RSPO1: variants seen among roughly 807,000 people sequenced by gnomAD.
RSPO1 encodes the protein R-spondin 1, also known as R-spondin-1.
RSPO1 carries 18 observed loss-of-function variants against 26.0 expected under a neutral mutation model. That is an observed-to-expected ratio of 0.69 (90% CI 0.48 to 1.03). RSPO1 has a LOEUF of 1.03. RSPO1 is among the 50% of genes least tolerant of loss of function. The pLI is 0.00. For missense variants in RSPO1, 309 were observed against 352.3 expected, an observed-to-expected ratio of 0.88 and a Z score of 0.98; for synonymous variants, 133 against 137.4, an observed-to-expected ratio of 0.97 and a Z score of 0.22.
intron 6 of RSPO1, 73 bp from the exon 7 acceptor site, chr1:37,612,994 A>G (rs1198994117): frequency 3.2e-6 from 5 of 1,544,530 alleles, no homozygotes; most frequent in Non-Finnish European, 3.6e-6. Flanking sequence ...CACAGGCCCT[A>G]GGAGGGGAGT....
intron 4 of RSPO1, among the ~76,000 whole-genome samples, chr1:37,614,782 TC>T (rs1279947046): frequency 6.6e-6 from 1 of 152,194 alleles, no homozygotes; most frequent in Non-Finnish European, 1.5e-5. Context: ...CTGCATGATC[TC>T]TTCTTCCCTC....
Position 37,629,697 on chromosome 1 carries a change from G to T in RSPO1, c.-36C>A. On this transcript the variant is annotated 5_prime_UTR_variant, in exon 3 of 7. Coordinates refer to ENST00000356545, the MANE Select transcript of RSPO1 (RefSeq NM_001242908.2). ...CAGCTCCAGGCCCCTGGTCGGAGGG[G>T]TGGTCTCGGGGAGGGTGGATAGCAC... The T allele has an allele frequency of 4.3e-6, 7 of 1,612,238 alleles. No individual in the cohort carries two copies. The highest frequency in any genetic ancestry group is 5.9e-6 in the Non-Finnish European group (7 of 1,179,256).
At chr1:37,614,419 TC>T (rs1390832450) in intron 4 of RSPO1, 86 bp from the exon 5 acceptor site, 1 of 1,480,082 alleles carries the variant, frequency 6.8e-7, no homozygotes, top group Non-Finnish European at 9.4e-7. Flanking sequence ...CTCCCTTCTG[TC>T]CACACCCACC....
intron 3 of RSPO1, among the ~76,000 whole-genome samples, chr1:37,628,435 C>G (rs76986721): frequency 0.057 from 8,606 of 152,294 alleles, 810 homozygotes; most frequent in African/African-American, 0.2. Flanking sequence ...GGAGCCCCAG[C>G]AAAACCCCAC....
At chr1:37,633,887 C>T (rs1396378956) in intron 1 of RSPO1, among the ~76,000 whole-genome samples, 1 of 152,220 alleles carries the variant, frequency 6.6e-6, no homozygotes, top group Non-Finnish European at 1.5e-5. Context: ...ACCTGAGGTT[C>T]CCCTGGCTGG....
At chr1:37,628,616 G>C (rs6656509) in intron 3 of RSPO1, among the ~76,000 whole-genome samples, 1 of 152,154 alleles carries the variant, frequency 6.6e-6, no homozygotes, top group South Asian at 2.1e-4. Context: ...CATCTCCCTC[G>C]TGTGGGCCCC....
chr1:37,612,886 C>T lies in RSPO1; in HGVS notation c.661G>A (p.Glu221Lys), dbSNP rs754617519. ...KRRKGGQGRR[E>K]NANRNLARKE... ...CTGGCCAGGTTCCTGTTGGCATTCT[C>T]CCGCCGGCCCTGGCCTCCCTTCCTC... Residue 221 changes from glutamate to lysine, a missense_variant, in exon 7 of 7, where the codon GAG (glutamate) becomes AAG (lysine). Coordinates refer to ENST00000356545, the MANE Select transcript of RSPO1 (RefSeq NM_001242908.2). The T allele has an allele frequency of 1.9e-6, 3 of 1,614,110 alleles. No homozygotes were observed. In the Admixed American group the frequency reaches 5.0e-5, roughly 27 times the overall value.
intron 3 of RSPO1, among the ~76,000 whole-genome samples, chr1:37,620,811 T>C (rs1644188997): frequency 6.6e-6 from 1 of 152,068 alleles, no homozygotes; most frequent in Admixed American, 6.6e-5. Context: ...AATTCACGAG[T>C]CATTATAGAT....
At chr1:37,618,006 A>G (rs1644143170) in intron 3 of RSPO1, among the ~76,000 whole-genome samples, 1 of 152,206 alleles carries the variant, frequency 6.6e-6, no homozygotes, top group South Asian at 2.1e-4. Flanking sequence ...GTCCTTTAGG[A>G]AGTAGAATTA....
chr1:37,621,629 G>T (rs1034621492), intron 3 of RSPO1, among the ~76,000 whole-genome samples: 4 of 152,076 alleles, frequency 2.6e-5, no homozygotes, highest in African/African-American at 9.7e-5. Flanking sequence ...GGAAAATGAC[G>T]AGTAGCTAAG....
At chr1:37,627,591 A>C (rs1342565589) in intron 3 of RSPO1, among the ~76,000 whole-genome samples, 1 of 152,160 alleles carries the variant, frequency 6.6e-6, no homozygotes, top group African/African-American at 2.4e-5. Context: ...CGGAGGTTGC[A>C]GTAAGCCAAG....
At chr1:37,614,434 A>T (rs1365555803) in intron 4 of RSPO1, 101 bp from the exon 5 acceptor site, 9 of 1,339,682 alleles carry the variant, frequency 6.7e-6, no homozygotes, top group Non-Finnish European at 8.5e-6. Flanking sequence ...ACCCACCTAC[A>T]TGGAGGGCAG....
At chr1:37,619,935 G>T (rs1340112137) in intron 3 of RSPO1, among the ~76,000 whole-genome samples, 1 of 151,972 alleles carries the variant, frequency 6.6e-6, no homozygotes, top group East Asian at 1.9e-4. Flanking sequence ...TTTTAGTAGA[G>T]ACGGGGTTTC....
At chr1:37,616,340 C>G (rs376766347) in intron 4 of RSPO1, 144 bp downstream of exon 4, 2 of 705,590 alleles carry the variant, frequency 2.8e-6, no homozygotes, top group East Asian at 2.7e-5. Flanking sequence ...TGGAAGTGTG[C>G]GGCTGGATAC....
chr1:37,615,166 C>A (rs554564670), intron 4 of RSPO1, among the ~76,000 whole-genome samples: 7 of 152,276 alleles, frequency 4.6e-5, no homozygotes, highest in Admixed American at 1.3e-4. Flanking sequence ...CCATGAGGAC[C>A]AAGAGGGTAG....
intron 3 of RSPO1, 23 bp downstream of exon 3, chr1:37,629,545 G>T: frequency 6.2e-7 from 1 of 1,608,996 alleles, no homozygotes; most frequent in Non-Finnish European, 8.5e-7. Context: ...GCCAGCTGTG[G>T]CCCACCATGC....
At chr1:37,618,169 C>T (rs1297740601) in intron 3 of RSPO1, among the ~76,000 whole-genome samples, 1 of 152,146 alleles carries the variant, frequency 6.6e-6, no homozygotes, top group African/African-American at 2.4e-5. Context: ...TTGAGCCTGC[C>T]AGATGGCATT....
rs1644118538 is a variant in RSPO1, at chr1:37,616,699, G to A, written c.95-24C>T. 9 of 1,610,682 alleles carry A rather than the reference G, an allele frequency of 5.6e-6. No homozygotes were observed. The Admixed American group carries it at 1.3e-4, about 24-fold the overall frequency. On this transcript the variant is annotated intron_variant, in intron 3 of 6. Transcript: ENST00000356545. ...GACTGCAAAGGTGGAGCAGGCATGA[G>A]AAGGCGGCTGTGGAGAGAACCTCAC...
chr1:37,620,629 A>AAATAATAAT (rs56294873), intron 3 of RSPO1, among the ~76,000 whole-genome samples: 5,631 of 146,018 alleles, frequency 0.039, 209 homozygotes, highest in Admixed American at 0.1. Context: ...CTCTGTCTCA[A>AAATAATAAT]AATAATAATA....
Sources: allele counts gnomAD v4.1 joint callset (sites outside exome capture counted in the v4.1 genomes callset), GRCh38; gene constraint gnomAD v4.1.1; transcripts MANE v1.5; gene names NCBI Gene and HGNC (gene_info 2026-07-23, HGNC 2026-07-21).